The following WDR64 variants were observed in gnomAD, a reference collection of about 807,000 sequenced individuals.
The protein encoded by WDR64 is WD repeat domain 64.
In WDR64, 112 loss-of-function variants were observed where a neutral mutation model predicts 139.3. The observed-to-expected ratio is 0.80, with a 90% confidence interval of 0.69 to 0.94. The LOEUF (loss-of-function observed/expected upper bound fraction) is 0.94. WDR64 is among the 40% of genes least tolerant of loss of function. The pLI, the probability that WDR64 is intolerant of heterozygous loss-of-function variation, is 0.00. For synonymous variants in WDR64, 444 were observed against 437.7 expected, an observed-to-expected ratio of 1.01 and a Z score of -0.18; for missense variants, 1,206 against 1,293.1, an observed-to-expected ratio of 0.93 and a Z score of 1.03.
intron 22 of WDR64, among the ~76,000 whole-genome samples, chr1:241,782,164 G>T (rs756264744): frequency 6.6e-6 from 1 of 152,128 alleles, no homozygotes; most frequent in African/African-American, 2.4e-5. Context: ...GGCACGTGCC[G>T]GTAGTCACAG....
intron 8 of WDR64, among the ~76,000 whole-genome samples, chr1:241,697,379 T>C (rs1455868593): frequency 6.6e-6 from 1 of 152,210 alleles, no homozygotes; most frequent in Non-Finnish European, 1.5e-5. Flanking sequence ...AAACCTTCCA[T>C]TGGTGACCTT....
At chr1:241,694,236 A>T (rs552031352) in intron 8 of WDR64, among the ~76,000 whole-genome samples, 1 of 152,304 alleles carries the variant, frequency 6.6e-6, no homozygotes, top group East Asian at 1.9e-4. Context: ...AGCATATCAC[A>T]TCTCTAAGAT....
chr1:241,747,175 AT>A (rs1669793825), intron 13 of WDR64, among the ~76,000 whole-genome samples: 1 of 152,222 alleles, frequency 6.6e-6, no homozygotes, highest in East Asian at 1.9e-4. Context: ...GGTGGTGACT[AT>A]GAAGGTTAGC....
chr1:241,655,639 A>G (rs1665560155), intron 1 of WDR64, among the ~76,000 whole-genome samples: 1 of 151,900 alleles, frequency 6.6e-6, no homozygotes, highest in Admixed American at 6.6e-5. Context: ...GCATTTCCAA[A>G]CATGCTCTTA....
chr1:241,770,851 A>G (rs2148299462), intron 18 of WDR64, among the ~76,000 whole-genome samples, 161 bp downstream of exon 18: 1 of 152,368 alleles, frequency 6.6e-6, no homozygotes, highest in East Asian at 1.9e-4. Flanking sequence ...TTTGCAAAAA[A>G]TGCAATGTCT....
Position 241,787,996 on chromosome 1 carries a change from G to A in WDR64, c.2853G>A (p.Lys951=), listed in dbSNP as rs189972311. The change falls in exon 24 of 28, where the codon AAG becomes AAA. Residue 951 remains lysine (K), a synonymous_variant. Coordinates refer to ENST00000437684, the MANE Select transcript of WDR64 (RefSeq NM_001367482.1). The part of the protein sequence containing the change: ...EIKEESKFTE[K]QKYEYPLIFD... ...AAGAAGAAAGCAAGTTCACAGAGAAGCAAAAATATGAATATCCTCTGATAT... is the reference window on the plus strand; with the variant it reads ...AAGAAGAAAGCAAGTTCACAGAGAAACAAAAATATGAATATCCTCTGATAT... The A allele has an allele frequency of 4.4e-6, 7 of 1,601,700 alleles. No homozygotes were observed. In the Admixed American group the frequency reaches 1.2e-4, roughly 28 times the overall value.
chr1:241,724,205 C>T (rs1385645527), intron 10 of WDR64, among the ~76,000 whole-genome samples: 1 of 152,030 alleles, frequency 6.6e-6, no homozygotes, highest in Non-Finnish European at 1.5e-5. Flanking sequence ...AAGATATTCT[C>T]CATCAGTTTA....
Position 241,784,953 on chromosome 1 carries a change from G to GGAAAAAAAAA in WDR64, c.2705+1572_2705+1573insGAAAAAAAAA, listed in dbSNP as rs766802128. Among the ~76,000 whole-genome samples the GGAAAAAAAAA allele has an allele frequency of 1.9e-3, 117 of 62,240 alleles. 14 individuals are homozygous for GGAAAAAAAAA. The highest frequency in any genetic ancestry group is 3.0e-3 in the East Asian group (5 of 1,646). The allele number at this position is 62,240 out of a possible 152,430, so 40.8% of individuals were successfully genotyped here. A position where few individuals can be genotyped will look rare whatever the true frequency, so the allele number is the denominator to read the frequency against. On this transcript the variant is annotated intron_variant, in intron 23 of 27. Coordinates refer to ENST00000437684, the MANE Select transcript of WDR64 (RefSeq NM_001367482.1). ...TGGGCGACAGAGTGAGACTCTGTCT[G>GGAAAAAAAAA]AAAAAAAAAAAAAAAAAAAAAAAGA...
intron 8 of WDR64, among the ~76,000 whole-genome samples, chr1:241,693,671 C>G (rs540822955): frequency 6.6e-6 from 1 of 152,156 alleles, no homozygotes; most frequent in East Asian, 1.9e-4. Flanking sequence ...TGTGCCTTCC[C>G]CTCAGTTCTG....
chr1:241,692,991 A>G (rs1234466276), intron 8 of WDR64, among the ~76,000 whole-genome samples: 1 of 152,212 alleles, frequency 6.6e-6, no homozygotes, highest in East Asian at 1.9e-4. Context: ...TGACTTTAGA[A>G]TTCCGCTTGA....
intron 3 of WDR64, 136 bp downstream of exon 3, chr1:241,671,312 G>A (rs1488949407): frequency 1.6e-6 from 1 of 623,566 alleles, no homozygotes; most frequent in African/African-American, 1.9e-5. Flanking sequence ...TGTCGGGGGT[G>A]GTGAGAGTTT....
In WDR64 at chr1:241,796,299, G is replaced by A. The variant is rs139639842; in HGVS notation, c.3121G>A (p.Val1041Ile). Residue 1041 changes from valine to isoleucine, a missense_variant, in exon 27 of 28, where the codon GTA becomes ATA. Transcript: ENST00000437684. ...TSLRFLPLIG[V>I]EAQKDSSDGI... ...TCTAAGATTTCTTCCACTGATTGGC[G>A]TAGAAGCCCAAAAGGACTCTTCAGA... is the stretch of plus-strand genomic sequence containing the variant. The A allele has an allele frequency of 2.0e-4, 320 of 1,613,550 alleles. No homozygotes were observed. The highest frequency in any genetic ancestry group is 7.1e-4 in the African/African-American group (53 of 74,936).
Position 241,796,268 on chromosome 1 carries a change from C to A in WDR64, c.3090C>A (p.Pro1030=). The part of the protein sequence containing the change: ...GSLPIYSISS[P]TSLRFLPLIG... ...TTTATGGCTTCCAGATATCAAGCCC[C>A]ACTAGTCTAAGATTTCTTCCACTGA... Residue 1030 remains proline (P), a synonymous_variant, in exon 27 of 28, where the codon CCC becomes CCA. Coordinates refer to ENST00000437684, the MANE Select transcript of WDR64 (RefSeq NM_001367482.1). The A allele has an allele frequency of 6.2e-7, 1 of 1,612,578 alleles. No individual in the cohort carries two copies.
chr1:241,693,480 C>A (rs955630285), intron 8 of WDR64, among the ~76,000 whole-genome samples: 1 of 152,086 alleles, frequency 6.6e-6, no homozygotes, highest in African/African-American at 2.4e-5. Flanking sequence ...GGGATAATGT[C>A]ATTACACATG....
At chr1:241,705,745 G>A (rs79848475) in intron 8 of WDR64, among the ~76,000 whole-genome samples, 4,601 of 151,850 alleles carry the variant, frequency 0.03, 128 homozygotes, top group Middle Eastern at 0.09. Flanking sequence ...GTGCCAACAC[G>A]CCCGGCTAAT....
Position 241,674,256 on chromosome 1 carries a change from C to CTTTTTTT in WDR64, c.380-384_380-383insTTTTTTT, listed in dbSNP as rs544401027. ...AAGCTGGCTGTTTATCTTTTTTTTTCTTTTCTTTTTTTTTTTTTTTGAGAC... is the reference window on the plus strand; with the variant it reads ...AAGCTGGCTGTTTATCTTTTTTTTTCTTTTTTTTTTTCTTTTTTTTTTTTTTTGAGAC... On this transcript the variant is annotated intron_variant, in intron 3 of 27. Coordinates refer to ENST00000437684, the MANE Select transcript of WDR64 (RefSeq NM_001367482.1). Among the ~76,000 whole-genome samples the CTTTTTTT allele has an allele frequency of 2.0e-4, 24 of 121,338 alleles. 2 individuals carry two copies. The highest frequency in any genetic ancestry group is 3.2e-4 in the Non-Finnish European group (19 of 58,908). 79.6% of individuals were successfully genotyped at this position (121,338 alleles called of 152,430 possible).
chr1:241,715,040 GA>G (rs1415826951), intron 9 of WDR64, among the ~76,000 whole-genome samples: 1 of 152,182 alleles, frequency 6.6e-6, no homozygotes, highest in Non-Finnish European at 1.5e-5. Flanking sequence ...TGTGCACTCA[GA>G]AATACCAAAA....
chr1:241,774,861 A>G (rs1415964860), intron 20 of WDR64, among the ~76,000 whole-genome samples: 4 of 152,218 alleles, frequency 2.6e-5, no homozygotes, highest in African/African-American at 9.6e-5. Flanking sequence ...AACAGTATAT[A>G]ATACTCAAGA....
chr1:241,710,747 G>A (rs1263478545), intron 8 of WDR64, among the ~76,000 whole-genome samples: 1 of 152,200 alleles, frequency 6.6e-6, no homozygotes, highest in African/African-American at 2.4e-5. Flanking sequence ...GGCAAGAGGA[G>A]GGCATGGGGT....
Sources: allele counts gnomAD v4.1 joint callset (sites outside exome capture counted in the v4.1 genomes callset), GRCh38; gene constraint gnomAD v4.1.1; transcripts MANE v1.5; gene names NCBI Gene and HGNC (gene_info 2026-07-23, HGNC 2026-07-21).